PSD3: variants seen among roughly 807,000 people sequenced by gnomAD.
The protein encoded by PSD3 is PH and SEC7 domain-containing protein 3.
A neutral mutation model predicts 105.5 loss-of-function variants in PSD3; 49 were observed. That is an observed-to-expected ratio of 0.46 (90% confidence interval 0.37 to 0.59). PSD3 has a LOEUF of 0.59. PSD3 is among the 20% of genes least tolerant of loss of function. The pLI, the probability that PSD3 is intolerant of heterozygous loss-of-function variation, is 0.00. For synonymous variants in PSD3, 557 were observed against 457.8 expected (o/e 1.22, Z -2.77); for missense variants, 1,561 against 1,263.8 (o/e 1.24, Z -3.57).
At chr8:18,813,475 T>A (rs924415685) in intron 4 of PSD3, among the ~76,000 whole-genome samples, 1 of 152,172 alleles carries the variant, frequency 6.6e-6, no homozygotes, top group African/African-American at 2.4e-5. Context: ...GCTAGAGCAC[T>A]CAACATGACC....
intron 9 of PSD3, among the ~76,000 whole-genome samples, chr8:18,673,619 C>T (rs1428745804): frequency 2.0e-5 from 3 of 152,106 alleles, no homozygotes; most frequent in Non-Finnish European, 4.4e-5. Context: ...ATTCCCTCTC[C>T]CCCTCTGCTC....
intron 2 of PSD3, among the ~76,000 whole-genome samples, chr8:18,929,789 A>G (rs1821615790): frequency 1.3e-5 from 2 of 152,134 alleles, no homozygotes; most frequent in Admixed American, 1.3e-4. Context: ...CGATGAAGCA[A>G]AAATCCAGGA....
At chr8:19,032,536 G>A (rs952389861) in intron 1 of PSD3, among the ~76,000 whole-genome samples, 2 of 151,480 alleles carry the variant, frequency 1.3e-5, no homozygotes, top group Non-Finnish European at 2.9e-5. Flanking sequence ...TGTAGTCCCA[G>A]CTACTCAGAA....
chr8:18,969,722 G>A (rs937009474), intron 1 of PSD3, among the ~76,000 whole-genome samples: 2 of 152,238 alleles, frequency 1.3e-5, no homozygotes, highest in African/African-American at 2.4e-5. Context: ...CTGAATTCCT[G>A]TAAACATACC....
rs1257163174 is a variant in PSD3, at chr8:18,752,578, TA to T, written c.2172+12870del. On this transcript the variant is annotated intron_variant, in intron 9 of 15. Coordinates refer to ENST00000327040, the MANE Select transcript of PSD3 (RefSeq NM_015310.4). ...TAATTATATATATTATATATATAATTATATATATTATATATTATATATTATA... is the reference window on the plus strand; with the variant it reads ...TAATTATATATATTATATATATAATTTATATATTATATATTATATATTATA... 7.1e-4 allele frequency among the ~76,000 whole-genome samples: 44 copies of T among 62,172 alleles called. 1 individual carries two copies. Among genetic ancestry groups the T allele is most frequent in the Non-Finnish European group, 1.1e-3 (41 of 38,490 alleles). The allele number at this position is 62,172 out of a possible 152,430, so 40.8% of individuals were successfully genotyped here.
chr8:18,785,056 T>C (rs374263003), intron 8 of PSD3, among the ~76,000 whole-genome samples: 17 of 152,188 alleles, frequency 1.1e-4, no homozygotes, highest in African/African-American at 4.1e-4. Flanking sequence ...GCTTGCCTCA[T>C]TAGAATAAAC....
chr8:18,728,305 T>A (rs1201087542), intron 9 of PSD3, among the ~76,000 whole-genome samples: 1 of 152,178 alleles, frequency 6.6e-6, no homozygotes, highest in Admixed American at 6.5e-5. Flanking sequence ...AGCACAGACA[T>A]GGTTTATGCC....
intron 1 of PSD3, among the ~76,000 whole-genome samples, chr8:19,059,064 T>A (rs552354464): frequency 4.6e-5 from 7 of 152,306 alleles, no homozygotes; most frequent in South Asian, 4.1e-4. Flanking sequence ...GTTAGCTGTA[T>A]TGAGGCTGAA....
chr8:18,844,917 T>G (rs1814960338), intron 4 of PSD3, among the ~76,000 whole-genome samples: 1 of 152,194 alleles, frequency 6.6e-6, no homozygotes, highest in African/African-American at 2.4e-5. Flanking sequence ...ACAAAGCTGG[T>G]TACAATGATC....
intron 9 of PSD3, among the ~76,000 whole-genome samples, chr8:18,657,098 G>T (rs1474569218): frequency 6.6e-6 from 1 of 152,134 alleles, no homozygotes; most frequent in Admixed American, 6.5e-5. Flanking sequence ...AAAAAAGGGG[G>T]ATCACATGTC....
At chr8:18,823,490 T>A (rs541077834) in intron 4 of PSD3, among the ~76,000 whole-genome samples, 1 of 152,140 alleles carries the variant, frequency 6.6e-6, no homozygotes, top group African/African-American at 2.4e-5. Flanking sequence ...TGAAAAGTCC[T>A]GCCCTATTGA....
intron 1 of PSD3, among the ~76,000 whole-genome samples, chr8:18,967,453 T>C (rs1361694124): frequency 1.3e-5 from 2 of 152,124 alleles, no homozygotes; most frequent in African/African-American, 2.4e-5. Flanking sequence ...CAGGATTTTC[T>C]ATTAAAAAAT....
intron 11 of PSD3, 105 bp from the exon 12 acceptor site, chr8:18,600,539 C>A (rs113698369): frequency 1.1e-6 from 1 of 939,856 alleles, no homozygotes; most frequent in Non-Finnish European, 1.6e-6. Flanking sequence ...TACCTAGCTA[C>A]CGAAAGTAAT....
rs1000903799 is a variant in PSD3, at chr8:18,630,725, G to A, written c.2410+1888C>T. On this transcript the variant is annotated intron_variant, in intron 11 of 15. Transcript: ENST00000327040. ...ATACAGTCAACCCTCCATATCTGTG[G>A]GTTCTGCAACTGTGTATTCAACCAA... 5.3e-5 allele frequency among the ~76,000 whole-genome samples: 8 copies of A among 151,696 alleles called. No individual in the cohort carries two copies. In the East Asian group the frequency reaches 1.4e-3, roughly 26 times the overall value.
intron 9 of PSD3, among the ~76,000 whole-genome samples, chr8:18,747,701 T>C (rs1180985453): frequency 6.6e-6 from 1 of 152,124 alleles, no homozygotes; most frequent in Admixed American, 6.5e-5. Context: ...GTGCTTCCTT[T>C]CCAGCTGCTA....
At chr8:18,816,276 C>T (rs545771179) in intron 4 of PSD3, among the ~76,000 whole-genome samples, 5 of 152,290 alleles carry the variant, frequency 3.3e-5, no homozygotes, top group African/African-American at 7.2e-5. Context: ...CTTGACCTTA[C>T]GATAGGTACT....
intron 4 of PSD3, among the ~76,000 whole-genome samples, chr8:18,852,740 A>G (rs1815692345): frequency 6.6e-6 from 1 of 152,200 alleles, no homozygotes; most frequent in African/African-American, 2.4e-5. Flanking sequence ...GAGCTTGCCC[A>G]CAACTTCAAA....
At chr8:18,929,489 C>T (rs1204984299) in intron 2 of PSD3, among the ~76,000 whole-genome samples, 1 of 152,160 alleles carries the variant, frequency 6.6e-6, no homozygotes, top group African/African-American at 2.4e-5. Flanking sequence ...TTCCCCAACC[C>T]AGAGGCTTGC....
chr8:18,703,386 T>G (rs1216096006), intron 9 of PSD3, among the ~76,000 whole-genome samples: 1 of 152,192 alleles, frequency 6.6e-6, no homozygotes, highest in Non-Finnish European at 1.5e-5. Flanking sequence ...AGGTGCTCAT[T>G]AAGCACTTTT....
Sources: gnomAD v4.1 joint callset for allele counts (sites outside exome capture counted in the v4.1 genomes callset) on GRCh38, gnomAD v4.1.1 for gene constraint, MANE v1.5 for transcripts, NCBI Gene and HGNC (gene_info 2026-07-23, HGNC 2026-07-21) for gene names.